GPR158: variants seen among roughly 807,000 people sequenced by gnomAD.
The protein encoded by GPR158 is metabotropic glycine receptor.
Under a neutral mutation model 78.2 loss-of-function variants are expected in GPR158, and 30 were observed. The ratio of observed to expected loss-of-function variants is 0.38; its 90% CI spans 0.29 to 0.52. The LOEUF (loss-of-function observed/expected upper bound fraction) is 0.52. Among genes scored for constraint, GPR158 ranks in the 20% least tolerant of loss-of-function variants. The probability of loss-of-function intolerance (pLI) is 0.83; values close to 1 mark genes in which losing one functional copy is unlikely to be tolerated. For missense variants in GPR158, 1,463 were observed against 1,523.5 expected (o/e 0.96, Z 0.66); for synonymous variants, 581 against 591.1 (o/e 0.98, Z 0.25).
rs200316408 is a variant in GPR158, at chr10:25,434,164, AAAAC to A, written c.1335+21707_1335+21710del. 7.7e-3 allele frequency among the ~76,000 whole-genome samples: 1,171 copies of A among 152,246 alleles called. 10 individuals are homozygous for A. The highest frequency in any genetic ancestry group is 0.034 in the Middle Eastern group (10 of 294). On this transcript the variant is annotated intron_variant, in intron 4 of 10. Coordinates refer to ENST00000376351, the MANE Select transcript of GPR158 (RefSeq NM_020752.3). The stretch of plus-strand genomic sequence containing the variant: ...CGACACAGCAAGACTCTGTCTCAAA[AAAAC>A]AAACAAACAAACAAAAAGAAATCAT...
Position 25,520,915 on chromosome 10 carries a change from T to A in GPR158, c.1405-30061T>A, listed in dbSNP as rs1361130570. 2.0e-5 allele frequency among the ~76,000 whole-genome samples: 3 copies of A among 152,312 alleles called. No individual in the cohort carries two copies. In the South Asian group the frequency reaches 6.2e-4, roughly 32 times the overall value. On this transcript the variant is annotated intron_variant, in intron 5 of 10. Coordinates refer to ENST00000376351, the MANE Select transcript of GPR158 (RefSeq NM_020752.3). ...CGCCCAGTTGGAGCTTCCCGGCTTCTTTGTTTACCTAAGCAAGCCTGGGCA... is the reference window on the plus strand; with the variant it reads ...CGCCCAGTTGGAGCTTCCCGGCTTCATTGTTTACCTAAGCAAGCCTGGGCA...
intron 1 of GPR158, among the ~76,000 whole-genome samples, chr10:25,204,286 C>G (rs1324333609): frequency 6.6e-6 from 1 of 152,190 alleles, no homozygotes; most frequent in Non-Finnish European, 1.5e-5. Flanking sequence ...ACTTCTAACA[C>G]TACGTTGAAT....
At position 25,411,211 on chromosome 10, in the gene GPR158, A is replaced by G. The variant is rs577820516; in HGVS notation, c.1112-1039A>G. 3.9e-5 allele frequency among the ~76,000 whole-genome samples: 6 copies of G among 152,086 alleles called. No homozygotes were observed. In the East Asian group the frequency reaches 7.8e-4, roughly 20 times the overall value. On this transcript the variant is annotated intron_variant, in intron 3 of 10. Coordinates refer to ENST00000376351, the MANE Select transcript of GPR158 (RefSeq NM_020752.3). ...GGGCTTCAGAAGTAACTTAAGTTTG[A>G]TAACTGAGACAGAAGAACCTAAAAT... is the stretch of plus-strand genomic sequence containing the variant.
chr10:25,359,511 G>C (rs1855600234), intron 2 of GPR158, among the ~76,000 whole-genome samples: 1 of 151,910 alleles, frequency 6.6e-6, no homozygotes, highest in South Asian at 2.1e-4. Flanking sequence ...ATGTGGTGGT[G>C]GTTTTTCTCT....
At chr10:25,421,586 G>T (rs1773677) in intron 4 of GPR158, among the ~76,000 whole-genome samples, 106,298 of 151,920 alleles carry the variant, frequency 0.7, 38,198 homozygotes, top group Non-Finnish European at 0.8. Flanking sequence ...TTTACTTCTA[G>T]AGGTTTATAA....
intron 2 of GPR158, among the ~76,000 whole-genome samples, chr10:25,361,182 T>C (rs958752251): frequency 2.0e-5 from 3 of 151,998 alleles, no homozygotes; most frequent in Non-Finnish European, 4.4e-5. Flanking sequence ...TAGAATCATA[T>C]GGTATTTGGC....
chr10:25,186,787 C>T (rs1482771065), intron 1 of GPR158, among the ~76,000 whole-genome samples: 1 of 151,762 alleles, frequency 6.6e-6, no homozygotes, highest in Non-Finnish European at 1.5e-5. Context: ...CGAATTCTAC[C>T]AGAGGTACAA....
At chr10:25,246,471 C>T (rs577843078) in intron 2 of GPR158, among the ~76,000 whole-genome samples, 125 of 152,172 alleles carry the variant, frequency 8.2e-4, no homozygotes, top group African/African-American at 2.7e-3. Flanking sequence ...ACTTCTGAGA[C>T]GGAGGCACCA....
intron 7 of GPR158, among the ~76,000 whole-genome samples, chr10:25,578,397 G>GAAAC (rs1449686516): frequency 6.6e-6 from 1 of 152,200 alleles, no homozygotes; most frequent in African/African-American, 2.4e-5. Context: ...CCAGTATGAG[G>GAAAC]AAACAGGTTA....
intron 6 of GPR158, among the ~76,000 whole-genome samples, chr10:25,565,708 G>T (rs1016365831): frequency 6.6e-6 from 1 of 152,166 alleles, no homozygotes; most frequent in African/African-American, 2.4e-5. Flanking sequence ...ACATTAGGGG[G>T]ATTAGAACAG....
chr10:25,573,223 CTT>C (rs1056304174), intron 7 of GPR158, among the ~76,000 whole-genome samples: 2 of 152,174 alleles, frequency 1.3e-5, no homozygotes, highest in African/African-American at 4.8e-5. Flanking sequence ...TGGCTATTCT[CTT>C]GATTTATTTC....
chr10:25,548,595 A>G (rs10764558), intron 5 of GPR158, among the ~76,000 whole-genome samples: 86,811 of 151,836 alleles, frequency 0.57, 26,816 homozygotes, highest in African/African-American at 0.81. Context: ...ATGGCAACGC[A>G]ATATTAAATA....
At chr10:25,364,444 G>A (rs1377100012) in intron 2 of GPR158, among the ~76,000 whole-genome samples, 1 of 151,820 alleles carries the variant, frequency 6.6e-6, no homozygotes, top group Non-Finnish European at 1.5e-5. Context: ...CGTGAATAAT[G>A]ATTTGAAGTA....
At chr10:25,330,658 A>G (rs1015345343) in intron 2 of GPR158, among the ~76,000 whole-genome samples, 1 of 152,236 alleles carries the variant, frequency 6.6e-6, no homozygotes, top group African/African-American at 2.4e-5. Context: ...CCCTTCATCA[A>G]GTAAACCTTT....
intron 3 of GPR158, among the ~76,000 whole-genome samples, chr10:25,400,077 C>A (rs952141259): frequency 6.6e-6 from 1 of 152,096 alleles, no homozygotes; most frequent in Non-Finnish European, 1.5e-5. Context: ...ATTAATCATG[C>A]ATGTAAAGAG....
intron 2 of GPR158, among the ~76,000 whole-genome samples, chr10:25,382,047 A>G (rs1588837066): frequency 6.6e-6 from 1 of 152,344 alleles, no homozygotes; most frequent in East Asian, 1.9e-4. Flanking sequence ...GTCCCCAGTG[A>G]TGTGAACTGT....
At chr10:25,371,283 G>A (rs974576400) in intron 2 of GPR158, among the ~76,000 whole-genome samples, 4 of 151,752 alleles carry the variant, frequency 2.6e-5, no homozygotes, top group African/African-American at 4.8e-5. Context: ...TTACATGTTG[G>A]AATGATTTTG....
chr10:25,425,120 G>A (rs1359167294), intron 4 of GPR158, among the ~76,000 whole-genome samples: 4 of 151,898 alleles, frequency 2.6e-5, no homozygotes, highest in Non-Finnish European at 4.4e-5. Flanking sequence ...AGCTAGATTC[G>A]TAGGTATTTT....
At position 25,288,094 on chromosome 10, in the gene GPR158, G is replaced by A. The variant is rs74979850; in HGVS notation, c.1008+66937G>A. Among the ~76,000 whole-genome samples, 1,495 of 151,824 alleles carry A rather than the reference G, an allele frequency of 9.8e-3. 20 individuals carry two copies. Among genetic ancestry groups the A allele is most frequent in the South Asian group, 0.049 (232 of 4,752 alleles). On this transcript the variant is annotated intron_variant, in intron 2 of 10. Coordinates refer to ENST00000376351, the MANE Select transcript of GPR158 (RefSeq NM_020752.3). ...CTAAAACATGCATAATGCATACTAT[G>A]TGTGAAACACTGTTTTAACCATGCT...
Sources: gnomAD v4.1 joint callset for allele counts (sites outside exome capture counted in the v4.1 genomes callset) on GRCh38, gnomAD v4.1.1 for gene constraint, MANE v1.5 for transcripts, NCBI Gene and HGNC (gene_info 2026-07-23, HGNC 2026-07-21) for gene names.